The following ANKRD11 variants were observed in gnomAD, a reference collection of about 807,000 sequenced individuals.
ANKRD11 encodes ankyrin repeat domain-containing protein 11.
ANKRD11 carries 17 observed loss-of-function variants against 195.7 expected under a neutral mutation model. That is an observed-to-expected ratio of 0.09 (90% confidence interval 0.06 to 0.13). The LOEUF (loss-of-function observed/expected upper bound fraction) is 0.13, where lower values mean the gene tolerates loss of function less well. Ranked by LOEUF, ANKRD11 falls within the 10% of genes least tolerant of loss-of-function variation. The pLI is 1.00. For missense variants in ANKRD11, 3,735 were observed against 3,566.1 expected, an observed-to-expected ratio of 1.05 and a Z score of -1.21; for synonymous variants, 1,953 against 1,528.1, an observed-to-expected ratio of 1.28 and a Z score of -6.49.
intron 2 of ANKRD11, among the ~76,000 whole-genome samples, chr16:89,357,411 T>C (rs779615236): frequency 5.9e-5 from 9 of 152,128 alleles, no homozygotes; most frequent in East Asian, 1.9e-4. Context: ...TCCTCGTGCA[T>C]TGCTGGTGGG....
chr16:89,466,561 C>G (rs910386690), intron 1 of ANKRD11, among the ~76,000 whole-genome samples: 6 of 152,034 alleles, frequency 3.9e-5, no homozygotes, highest in Middle Eastern at 3.2e-3. Flanking sequence ...TGCCTGGCAT[C>G]CAACAAAATC....
chr16:89,415,866 C>G (rs1326619558), intron 2 of ANKRD11, among the ~76,000 whole-genome samples: 3 of 90,466 alleles, frequency 3.3e-5, no homozygotes, highest in Non-Finnish European at 7.4e-5. Context: ...GAGAACCAGC[C>G]TCAGTGAGGT....
intron 1 of ANKRD11, among the ~76,000 whole-genome samples, chr16:89,427,959 G>C (rs1207370034): frequency 6.6e-6 from 1 of 151,982 alleles, no homozygotes; most frequent in African/African-American, 2.4e-5. Flanking sequence ...TCTAATCCCA[G>C]CACTTTGGGA....
intron 2 of ANKRD11, among the ~76,000 whole-genome samples, chr16:89,407,276 C>T (rs1418730810): frequency 6.6e-6 from 1 of 151,516 alleles, no homozygotes; most frequent in Non-Finnish European, 1.5e-5. Context: ...CAGAAAAAGA[C>T]TCATATTTTT....
intron 1 of ANKRD11, among the ~76,000 whole-genome samples, chr16:89,449,888 C>CAT (rs1159306724): frequency 6.6e-6 from 1 of 151,630 alleles, no homozygotes; most frequent in African/African-American, 2.4e-5. Context: ...AAGTCATAGA[C>CAT]AGGCAGAGCC....
At position 89,274,832 on chromosome 16, in the gene ANKRD11, G is replaced by A. The variant is rs142845301; in HGVS notation, c.7695C>T (p.Asn2565=). Residue 2565 remains asparagine, a synonymous_variant, in exon 11 of 13, where the codon AAC becomes AAT. Coordinates refer to ENST00000301030, the MANE Select transcript of ANKRD11 (RefSeq NM_013275.6). ...CTMLLDSEVY[N]MPLESQGDEN... is the part of the protein sequence containing the mutation. ...GCCCTACCTGGCTCTCCAGGGGCAT[G>A]TTGTAGACCTCGGAGTCCAGCAGCA... is the stretch of plus-strand genomic sequence containing the variant. 1.3e-4 allele frequency: 217 copies of A among 1,611,686 alleles called. 1 individual carries two copies. Among genetic ancestry groups the A allele is most frequent in the Non-Finnish European group, 1.8e-4 (212 of 1,179,874 alleles).
intron 2 of ANKRD11, among the ~76,000 whole-genome samples, chr16:89,386,957 T>C (rs2040939307): frequency 6.7e-6 from 1 of 150,040 alleles, no homozygotes; most frequent in African/African-American, 2.5e-5. Context: ...GGCTTGGCAG[T>C]GAGGGCAGGA....
chr16:89,474,582 C>G (rs1289971167), intron 1 of ANKRD11, among the ~76,000 whole-genome samples: 1 of 152,118 alleles, frequency 6.6e-6, no homozygotes, highest in Admixed American at 6.6e-5. Context: ...GCCAGAAAGG[C>G]AGCACAGGTC....
Position 89,291,266 on chromosome 16 carries a change from G to C in ANKRD11, c.227-83C>G. The C allele has an allele frequency of 1.3e-6, 2 of 1,537,310 alleles. No homozygotes were observed. On this transcript the variant is annotated intron_variant, in intron 4 of 12. Transcript: ENST00000301030. The surrounding 1 kb of genome is among the most constrained non-coding windows in gnomAD (Gnocchi z 5.3). ...AGCTAGGTCCTTACCTAATGTTACG[G>C]AGCCCCCTGCGTCCACCTGACAGCT...
At chr16:89,365,199 T>C (rs929569065) in intron 2 of ANKRD11, among the ~76,000 whole-genome samples, 2 of 152,246 alleles carry the variant, frequency 1.3e-5, no homozygotes, top group Admixed American at 1.3e-4. Flanking sequence ...GACTATCTTG[T>C]TGGCTGGTCA....
chr16:89,468,354 C>A (rs867288612), intron 1 of ANKRD11, among the ~76,000 whole-genome samples: 2 of 152,142 alleles, frequency 1.3e-5, no homozygotes, highest in Middle Eastern at 3.2e-3. Flanking sequence ...GGGGGAAAGT[C>A]TATTTTGCAC....
Position 89,289,040 on chromosome 16 carries a change from T to C in ANKRD11, c.602-370A>G, listed in dbSNP as rs976771472. ...CTTTGCAAAACACGGAGGGGAAACC[T>C]CCCGTGTCGGAAACGGAAACCAAGG... On this transcript the variant is annotated intron_variant, in intron 6 of 12. Coordinates refer to ENST00000301030, the MANE Select transcript of ANKRD11 (RefSeq NM_013275.6). 1.2e-5 allele frequency: 4 copies of C among 325,932 alleles called. No homozygotes were observed. In the Admixed American group the frequency reaches 1.4e-4, roughly 11 times the overall value. The allele number at this position is 325,932 out of a possible 1,614,324, so 20.2% of individuals were successfully genotyped here. A position where few individuals can be genotyped will look rare whatever the true frequency, so the allele number is the denominator to read the frequency against.
Position 89,385,885 on chromosome 16 carries a change from TC to T in ANKRD11, c.-60+32398del, listed in dbSNP as rs1288500822. Among the ~76,000 whole-genome samples the T allele has an allele frequency of 4.6e-5, 7 of 152,312 alleles. No individual in the cohort carries two copies. The East Asian group carries it at 1.3e-3, about 29-fold the overall frequency. On this transcript the variant is annotated intron_variant, in intron 2 of 12. Transcript: ENST00000301030. ...AAGAGCTCCATTTGTGACCGTTCCC[TC>T]CGTAGGCAACCCGGTGGTCCCCACT...
chr16:89,321,774 A>G (rs1261915108), intron 2 of ANKRD11, among the ~76,000 whole-genome samples: 1 of 152,098 alleles, frequency 6.6e-6, no homozygotes, highest in Non-Finnish European at 1.5e-5. Flanking sequence ...AGAGCTGACC[A>G]TGAACAACCT....
chr16:89,367,278 C>T lies in ANKRD11; in HGVS notation c.-59-50200G>A, dbSNP rs574302429. On this transcript the variant is annotated intron_variant, in intron 2 of 12. Coordinates refer to ENST00000301030, the MANE Select transcript of ANKRD11 (RefSeq NM_013275.6). The stretch of plus-strand genomic sequence containing the variant: ...GGTGGGTAGAGCGCCGCTCCAGACT[C>T]CTGCCGCAGGGGCCAGTGCTGGCCC... Among the ~76,000 whole-genome samples, 3 of 152,364 alleles carry T rather than the reference C, an allele frequency of 2.0e-5. No homozygotes were observed. The South Asian group carries it at 6.2e-4, about 32-fold the overall frequency.
chr16:89,336,484 G>C (rs1327130676), intron 2 of ANKRD11, among the ~76,000 whole-genome samples: 1 of 152,232 alleles, frequency 6.6e-6, no homozygotes, highest in Non-Finnish European at 1.5e-5. Flanking sequence ...CGGAGTCCAG[G>C]AGGACTCCTG....
intron 2 of ANKRD11, among the ~76,000 whole-genome samples, chr16:89,318,637 C>A (rs574093542): frequency 6.6e-6 from 1 of 152,366 alleles, no homozygotes; most frequent in Non-Finnish European, 1.5e-5. Flanking sequence ...TTGCATGCCA[C>A]CTGCCCCTGG....
chr16:89,324,518 C>T, intron 2 of ANKRD11: 1 of 456,142 alleles, frequency 2.2e-6, no homozygotes, highest in Non-Finnish European at 4.4e-6. Context: ...AGGAAGCTGC[C>T]AAAGGAGATT....
intron 1 of ANKRD11, among the ~76,000 whole-genome samples, chr16:89,420,950 A>G (rs549399112): frequency 3.9e-5 from 6 of 152,276 alleles, no homozygotes; most frequent in Non-Finnish European, 8.8e-5. Context: ...ACAGAAAAGC[A>G]CCAGGCTACA....
Sources: allele counts gnomAD v4.1 joint callset (sites outside exome capture counted in the v4.1 genomes callset), GRCh38; gene constraint gnomAD v4.1.1; non-coding constraint Gnocchi (gnomAD v3.1); transcripts MANE v1.5; gene names NCBI Gene and HGNC (gene_info 2026-07-23, HGNC 2026-07-21).